TRIM50: variants seen among roughly 807,000 people sequenced by gnomAD.
TRIM50 encodes E3 ubiquitin-protein ligase TRIM50.
In TRIM50, 34 loss-of-function variants were observed where a neutral mutation model predicts 44.9. That is an observed-to-expected ratio of 0.76 (90% CI 0.58 to 1.01). TRIM50 has a LOEUF of 1.01. TRIM50 is among the 50% of genes least tolerant of loss of function. The pLI is 0.00. For synonymous variants in TRIM50, 307 were observed against 291.1 expected (o/e 1.05, Z -0.56); for missense variants, 633 against 663.7 (o/e 0.95, Z 0.51).
At chr7:73,315,176 A>G in intron 6 of TRIM50, 1 of 236,724 alleles carries the variant, frequency 4.2e-6, no homozygotes. Context: ...GCCAAGCTCA[A>G]AAAGGCAAAG....
At chr7:73,325,608 C>T (rs1804606734) in intron 1 of TRIM50, 1 of 154,048 alleles carries the variant, frequency 6.5e-6, no homozygotes, top group African/African-American at 2.4e-5. Flanking sequence ...TGGTCTCTGC[C>T]CCTTCTCTCC....
At position 73,324,397 on chromosome 7, in the gene TRIM50, G is replaced by C. The variant is rs765472587; in HGVS notation, c.391C>G (p.Arg131Gly). 1 of 1,613,916 alleles carries C rather than the reference G, an allele frequency of 6.2e-7. No individual in the cohort carries two copies. The highest frequency in any genetic ancestry group is 8.5e-7 in the Non-Finnish European group (1 of 1,180,022). ...GCACCCTCACTCCCCACCTTCATGCGGCTGTAGACGGTGGAGACGGGCGTG... is the reference window on the plus strand; with the variant it reads ...GCACCCTCACTCCCCACCTTCATGCCGCTGTAGACGGTGGAGACGGGCGTG... ...PVTPVSTVYS[R>G]MKEELAALIS... The change falls in exon 2 of 7, where the codon CGC (arginine) becomes GGC (glycine). Residue 131 changes from arginine (R) to glycine (G), a missense_variant. Physicochemically the swap from Arg to Gly is moderately radical, Grantham distance 125. Coordinates refer to ENST00000333149, the MANE Select transcript of TRIM50 (RefSeq NM_178125.3).
intron 3 of TRIM50, 26 bp downstream of exon 3, chr7:73,320,121 C>T: frequency 6.2e-7 from 1 of 1,613,950 alleles, no homozygotes; most frequent in Non-Finnish European, 8.5e-7. Flanking sequence ...CGGTCCCAGG[C>T]AGGGGCAGAG....
In TRIM50 at chr7:73,313,763, A is replaced by G. The variant is rs1554543671; in HGVS notation, c.875-253T>C. ...ACTGATTGCATCCACCCAAGGCAAA[A>G]ACAGTGTTTATATAAAAGGGAGCAG... On this transcript the variant is annotated intron_variant, in intron 6 of 6. Transcript: ENST00000333149. This position sits in a 1 kb window ranked among gnomAD's most constrained non-coding sequence, Gnocchi z 4.9. 6.6e-6 allele frequency among the ~76,000 whole-genome samples: 1 copy of G among 152,130 alleles called. No individual in the cohort carries two copies. Among genetic ancestry groups the G allele is most frequent in the Non-Finnish European group, 1.5e-5 (1 of 68,012 alleles).
rs1286595841 is a variant in TRIM50 at position 73,324,336 on chromosome 7, A to G, written c.399+53T>C. 7 of 1,612,988 alleles carry G rather than the reference A, an allele frequency of 4.3e-6. No individual in the cohort carries two copies. The Admixed American group carries it at 5.0e-5, about 12-fold the overall frequency. On this transcript the variant is annotated intron_variant, in intron 2 of 6. Coordinates refer to ENST00000333149, the MANE Select transcript of TRIM50 (RefSeq NM_178125.3). ...GCCAGGTGATGGCACCAGAGAGCAC[A>G]GGATCTGGTCCCCGCGGGCCTCTCC...
rs1804608867 is a variant in TRIM50, at chr7:73,325,747, G to A, written c.-18-942C>T. Among the ~76,000 whole-genome samples the A allele has an allele frequency of 2.0e-5, 3 of 152,334 alleles. 1 individual carries two copies. The highest frequency in any genetic ancestry group is 3.9e-4 in the East Asian group (2 of 5,186). The stretch of plus-strand genomic sequence containing the variant: ...TGATAACATTCAGGTGCTGGCCTTG[G>A]CCACTGTGGAGGAGGGGCAGAAACA... On this transcript the variant is annotated intron_variant, in intron 1 of 6. Coordinates refer to ENST00000333149, the MANE Select transcript of TRIM50 (RefSeq NM_178125.3).
Position 73,313,556 on chromosome 7 carries a change from G to A in TRIM50, c.875-46C>T, listed in dbSNP as rs1554543627. 1 of 1,423,480 alleles carries A rather than the reference G, an allele frequency of 7.0e-7. No individual in the cohort carries two copies. Among genetic ancestry groups the A allele is most frequent in the Non-Finnish European group, 9.2e-7 (1 of 1,081,600 alleles). The allele number at this position is 1,423,480 out of a possible 1,614,324, so 88.2% of individuals were successfully genotyped here. The stretch of plus-strand genomic sequence containing the variant: ...GGTCTGTGAGGCCACGTGGAGGGCA[G>A]CAGACCCGGCCCACAGAAGCTGATG... On this transcript the variant is annotated intron_variant, in intron 6 of 6. Transcript: ENST00000333149. This position sits in a 1 kb window ranked among gnomAD's most constrained non-coding sequence, Gnocchi z 4.9.
At chr7:73,321,959 T>C (rs1804507016) in intron 2 of TRIM50, 1 of 152,070 alleles carries the variant, frequency 6.6e-6, no homozygotes, top group African/African-American at 2.4e-5. Flanking sequence ...AAAATCTCAA[T>C]AAACAGGAGG....
chr7:73,316,787 AG>A (rs1804372004), intron 5 of TRIM50, 98 bp from the exon 6 acceptor site: 1 of 1,524,022 alleles, frequency 6.6e-7, no homozygotes, highest in Non-Finnish European at 8.8e-7. Context: ...TCCACAGTGC[AG>A]GACTGCAGTC....
Position 73,313,380 on chromosome 7 carries a change from G to A in TRIM50, c.1005C>T (p.Ser335=). Residue 335 remains serine, a synonymous_variant, in exon 7 of 7, where the codon AGC becomes AGT. Coordinates refer to ENST00000333149, the MANE Select transcript of TRIM50 (RefSeq NM_178125.3). This position sits in a 1 kb window ranked among gnomAD's most constrained non-coding sequence, Gnocchi z 4.9. ...RASQPERFDY[S]TCVLASRGFS... ...AGCCGCGGCTGGCCAGGACGCAGGTGCTGTAGTCGAAGCGCTCAGGCTGGC... is the reference window on the plus strand; with the variant it reads ...AGCCGCGGCTGGCCAGGACGCAGGTACTGTAGTCGAAGCGCTCAGGCTGGC... The A allele has an allele frequency of 6.3e-7, 1 of 1,592,406 alleles. No homozygotes were observed. Among genetic ancestry groups the A allele is most frequent in the Non-Finnish European group, 8.5e-7 (1 of 1,171,406 alleles).
At chr7:73,316,815 C>T in intron 5 of TRIM50, 126 bp from the exon 6 acceptor site, 2 of 1,384,342 alleles carry the variant, frequency 1.4e-6, no homozygotes, top group Non-Finnish European at 1.9e-6. Flanking sequence ...CCCATCAATG[C>T]CCATCATCCC....
chr7:73,327,162 T>C (rs1170333331), intron 1 of TRIM50, among the ~76,000 whole-genome samples: 2 of 152,156 alleles, frequency 1.3e-5, no homozygotes, highest in Non-Finnish European at 2.9e-5. Context: ...TAATTTCATG[T>C]GTTGGAAACT....
chr7:73,320,861 C>A (rs1252587720), intron 2 of TRIM50, among the ~76,000 whole-genome samples: 1 of 147,878 alleles, frequency 6.8e-6, no homozygotes, highest in Non-Finnish European at 1.5e-5. Context: ...CCTGTCTCTA[C>A]TAAAAATACA....
Position 73,316,678 on chromosome 7 carries a change from G to A in TRIM50, c.761C>T (p.Pro254Leu), listed in dbSNP as rs143605547. 10 of 1,613,892 alleles carry A rather than the reference G, an allele frequency of 6.2e-6. No individual in the cohort carries two copies. The highest frequency in any genetic ancestry group is 5.3e-5 in the African/African-American group (4 of 74,912). ...TGCGCCTTCTAAGGGCCGGGCCTGC[G>A]GCATCTCTGCTCTGCAGGTGACAGT... is the stretch of plus-strand genomic sequence containing the variant. Reference protein sequence around the residue: ...FHSMASRAEMPQARPLEGAFS... With the variant: ...FHSMASRAEMLQARPLEGAFS... Residue 254 changes from proline to leucine, a missense_variant, in exon 6 of 7, where the codon CCG becomes CTG. Physicochemically the swap from Pro to Leu is moderately conservative, Grantham distance 98. Coordinates refer to ENST00000333149, the MANE Select transcript of TRIM50 (RefSeq NM_178125.3).
In TRIM50 at chr7:73,318,713, G is replaced by C. The variant is rs192182316; in HGVS notation, c.727-4C>G. On this transcript the variant is annotated splice_region_variant and splice_polypyrimidine_tract_variant and intron_variant, in intron 4 of 6. Coordinates refer to ENST00000333149, the MANE Select transcript of TRIM50 (RefSeq NM_178125.3). ...TGGAGGCCATGGAGTGGAACTTCTG[G>C]AAGGCAAGAGAGAGGGAGGTTAAGG... The C allele has an allele frequency of 1.4e-3, 2,187 of 1,613,928 alleles. 18 individuals are homozygous for C. The African/African-American group carries it at 0.018, about 13-fold the overall frequency.
rs1401484942 is a variant in TRIM50 at position 73,313,732 on chromosome 7, T to C, written c.875-222A>G. 2.6e-5 allele frequency among the ~76,000 whole-genome samples: 4 copies of C among 152,116 alleles called. No homozygotes were observed. Among genetic ancestry groups the C allele is most frequent in the African/African-American group, 9.7e-5 (4 of 41,422 alleles). On this transcript the variant is annotated intron_variant, in intron 6 of 6. Coordinates refer to ENST00000333149, the MANE Select transcript of TRIM50 (RefSeq NM_178125.3). This position sits in a 1 kb window ranked among gnomAD's most constrained non-coding sequence, Gnocchi z 4.9. ...TGAAGTTTTACATAAGGAAGATCAA[T>C]CACAGACTGATTGCATCCACCCAAG... is the stretch of plus-strand genomic sequence containing the variant.
intron 5 of TRIM50, among the ~76,000 whole-genome samples, chr7:73,317,951 G>A (rs1456072414): frequency 6.6e-6 from 1 of 152,110 alleles, no homozygotes; most frequent in Non-Finnish European, 1.5e-5. Flanking sequence ...CCGACTCCTG[G>A]TGATATCCTG....
At chr7:73,318,636 C>T in intron 5 of TRIM50, 51 bp downstream of exon 5, 1 of 1,612,140 alleles carries the variant, frequency 6.2e-7, no homozygotes, top group Non-Finnish European at 8.5e-7. Context: ...AGCTGAGATG[C>T]CCGTGCCCGC....
intron 4 of TRIM50, 28 bp downstream of exon 4, chr7:73,318,794 G>A (rs1554544504): frequency 6.2e-7 from 1 of 1,613,994 alleles, no homozygotes; most frequent in Admixed American, 1.7e-5. Context: ...GGCGGGTATG[G>A]GGATGGGACG....
Sources: allele counts gnomAD v4.1 joint callset (sites outside exome capture counted in the v4.1 genomes callset), GRCh38; gene constraint gnomAD v4.1.1; non-coding constraint Gnocchi (gnomAD v3.1); transcripts MANE v1.5; gene names NCBI Gene and HGNC (gene_info 2026-07-23, HGNC 2026-07-21).